The following MTHFD1L variants were observed in gnomAD, a reference collection of about 807,000 sequenced individuals.
MTHFD1L encodes monofunctional C1-tetrahydrofolate synthase, mitochondrial.
MTHFD1L carries 81 observed loss-of-function variants against 119.5 expected under a neutral mutation model. The observed-to-expected ratio is 0.68, with a 90% CI of 0.57 to 0.82. The LOEUF is 0.82. MTHFD1L is among the 40% of genes least tolerant of loss of function. The pLI is 0.00. For synonymous variants in MTHFD1L, 430 were observed against 475.2 expected, an observed-to-expected ratio of 0.90 and a Z score of 1.24; for missense variants, 1,125 against 1,253.4, an observed-to-expected ratio of 0.90 and a Z score of 1.55.
intron 26 of MTHFD1L, among the ~76,000 whole-genome samples, chr6:151,044,188 G>T (rs1191055688): frequency 2.0e-5 from 3 of 152,080 alleles, no homozygotes; most frequent in African/African-American, 4.8e-5. Context: ...CCCCCATGTG[G>T]TTATCTCTGT....
chr6:150,923,694 G>A (rs1460710344), intron 10 of MTHFD1L, among the ~76,000 whole-genome samples: 2 of 151,264 alleles, frequency 1.3e-5, no homozygotes, highest in Non-Finnish European at 2.9e-5. Flanking sequence ...CTGATAACCA[G>A]TTGCTTTATA....
At chr6:150,877,914 C>A in intron 4 of MTHFD1L, 88 bp downstream of exon 4, 1 of 1,489,906 alleles carries the variant, frequency 6.7e-7, no homozygotes, top group Non-Finnish European at 9.4e-7. Flanking sequence ...GTGGCTGGGA[C>A]AGATCTAAGA....
intron 20 of MTHFD1L, among the ~76,000 whole-genome samples, chr6:150,979,310 C>T (rs1478764871): frequency 6.6e-6 from 1 of 151,826 alleles, no homozygotes; most frequent in Non-Finnish European, 1.5e-5. Context: ...ACCAATATAA[C>T]TATATTGTAC....
chr6:150,978,354 A>T (rs1341263835), intron 20 of MTHFD1L, among the ~76,000 whole-genome samples: 1 of 152,148 alleles, frequency 6.6e-6, no homozygotes, highest in Non-Finnish European at 1.5e-5. Context: ...GGCATTTATT[A>T]TCCTTATCCA....
intron 26 of MTHFD1L, among the ~76,000 whole-genome samples, chr6:151,066,447 A>AG (rs1377109924): frequency 2.0e-5 from 3 of 147,372 alleles, no homozygotes; most frequent in Admixed American, 6.8e-5. Flanking sequence ...CAAAAAAAAA[A>AG]AAAAAAAAAA....
intron 26 of MTHFD1L, among the ~76,000 whole-genome samples, chr6:151,043,258 CTTTTTTTTTT>C (rs1170553631): frequency 2.5e-5 from 2 of 78,856 alleles, no homozygotes; most frequent in East Asian, 4.7e-4. Context: ...AGTGTTTTCT[CTTTTTTTTTT>C]TTTTTTTTTT....
chr6:150,886,078 T>C (rs866517952), intron 6 of MTHFD1L, among the ~76,000 whole-genome samples: 28 of 152,310 alleles, frequency 1.8e-4, no homozygotes, highest in South Asian at 6.2e-4. Flanking sequence ...CAGTAAAATA[T>C]GCTTCCAGTT....
intron 11 of MTHFD1L, among the ~76,000 whole-genome samples, chr6:150,933,043 T>C (rs1174393744): frequency 6.6e-6 from 1 of 152,166 alleles, no homozygotes; most frequent in East Asian, 1.9e-4. Context: ...TGAAATAAGC[T>C]TTTTTATTGT....
intron 26 of MTHFD1L, among the ~76,000 whole-genome samples, chr6:151,070,101 C>T (rs372842932): frequency 6.6e-6 from 1 of 152,104 alleles, no homozygotes; most frequent in Non-Finnish European, 1.5e-5. Context: ...TCCAAGAACT[C>T]GGGTGTTTTT....
At chr6:151,041,236 A>AC (rs1787056704) in intron 26 of MTHFD1L, among the ~76,000 whole-genome samples, 1 of 152,184 alleles carries the variant, frequency 6.6e-6, no homozygotes, top group Non-Finnish European at 1.5e-5. Flanking sequence ...GTGTAGTGGG[A>AC]CACACGCACC....
chr6:150,916,667 A>G (rs1787987352), intron 8 of MTHFD1L, among the ~76,000 whole-genome samples: 1 of 143,034 alleles, frequency 7.0e-6, no homozygotes, highest in African/African-American at 2.6e-5. Flanking sequence ...TAGGTTGATA[A>G]TCAGGTAATC....
intron 26 of MTHFD1L, among the ~76,000 whole-genome samples, chr6:151,066,623 G>A (rs1349429105): frequency 6.6e-6 from 1 of 151,526 alleles, no homozygotes; most frequent in East Asian, 2.0e-4. Flanking sequence ...AAATTAGCCA[G>A]GCGTGGTGGC....
chr6:150,896,681 C>T (rs1784276428), intron 7 of MTHFD1L, among the ~76,000 whole-genome samples: 1 of 152,078 alleles, frequency 6.6e-6, no homozygotes, highest in East Asian at 1.9e-4. Flanking sequence ...TTGTTAATAC[C>T]AAGGAAGAAA....
At chr6:150,972,922 A>G (rs927652406) in intron 20 of MTHFD1L, among the ~76,000 whole-genome samples, 1 of 152,180 alleles carries the variant, frequency 6.6e-6, no homozygotes, top group Non-Finnish European at 1.5e-5. Context: ...TATTCCAGCT[A>G]GAAAGAAGGG....
intron 26 of MTHFD1L, among the ~76,000 whole-genome samples, chr6:151,044,794 T>C (rs751182166): frequency 1.1e-4 from 16 of 152,122 alleles, no homozygotes; most frequent in Non-Finnish European, 4.4e-5. Flanking sequence ...TTGGCTGGAC[T>C]CTGGAAAGCA....
intron 20 of MTHFD1L, among the ~76,000 whole-genome samples, chr6:150,998,553 G>A (rs1398374493): frequency 1.3e-5 from 2 of 150,798 alleles, no homozygotes; most frequent in East Asian, 1.9e-4. Context: ...ATCCAAAGAA[G>A]TGCTCAAAAA....
chr6:151,055,390 T>G (rs1789727420), intron 26 of MTHFD1L, among the ~76,000 whole-genome samples: 1 of 152,154 alleles, frequency 6.6e-6, no homozygotes. Flanking sequence ...GATTAAAATC[T>G]CCATCTCGGT....
chr6:150,986,657 G>T (rs937892346), intron 20 of MTHFD1L, among the ~76,000 whole-genome samples: 1 of 152,228 alleles, frequency 6.6e-6, no homozygotes, highest in Admixed American at 6.5e-5. Flanking sequence ...ACCTCCTGCT[G>T]TGCGACCCAG....
In MTHFD1L at chr6:151,017,660, TTTC is replaced by T. The variant is rs1196871782; in HGVS notation, c.2586+1968_2586+1970del. Among the ~76,000 whole-genome samples, 216 of 152,166 alleles carry T rather than the reference TTTC, an allele frequency of 1.4e-3. 2 individuals carry two copies. The highest frequency in any genetic ancestry group is 5.0e-3 in the African/African-American group (207 of 41,502). On this transcript the variant is annotated intron_variant, in intron 24 of 27. Coordinates refer to ENST00000367321, the MANE Select transcript of MTHFD1L (RefSeq NM_015440.5). ...GCGCCCGGCCAGAATTTCCTTTATTTTTCGGGCTGAATACGCTCCCATTCTTTG... is the reference window on the plus strand; with the variant it reads ...GCGCCCGGCCAGAATTTCCTTTATTTGGGCTGAATACGCTCCCATTCTTTG...
Sources: gnomAD v4.1 joint callset for allele counts (sites outside exome capture counted in the v4.1 genomes callset) on GRCh38, gnomAD v4.1.1 for gene constraint, MANE v1.5 for transcripts, NCBI Gene and HGNC (gene_info 2026-07-23, HGNC 2026-07-21) for gene names.